The following WDPCP variants were observed in gnomAD, a reference collection of about 807,000 sequenced individuals.
The protein encoded by WDPCP is WD repeat containing planar cell polarity effector.
WDPCP carries 71 observed loss-of-function variants against 93.1 expected under a neutral mutation model. The observed-to-expected ratio is 0.76, with a 90% CI of 0.63 to 0.93. WDPCP has a LOEUF of 0.93. Among genes scored for constraint, WDPCP ranks in the 40% least tolerant of loss-of-function variants. WDPCP has a pLI of 0.00. For missense variants in WDPCP, 844 were observed against 887.4 expected (o/e 0.95, Z 0.62); for synonymous variants, 315 against 315.0 (o/e 1.00, Z 0.00).
At chr2:63,164,916 G>A (rs186164397) in intron 15 of WDPCP, among the ~76,000 whole-genome samples, 12 of 151,950 alleles carry the variant, frequency 7.9e-5, no homozygotes, top group African/African-American at 2.9e-4. Context: ...AAATTACAAG[G>A]GTATTAAAAT....
intron 17 of WDPCP, among the ~76,000 whole-genome samples, chr2:63,142,720 A>G (rs1006494726): frequency 1.3e-5 from 2 of 151,718 alleles, no homozygotes; most frequent in Admixed American, 6.6e-5. Context: ...CTGTCAGTGG[A>G]GTAGTGTAGG....
chr2:63,383,541 A>G (rs2104919900), intron 10 of WDPCP, among the ~76,000 whole-genome samples: 1 of 152,148 alleles, frequency 6.6e-6, no homozygotes. Context: ...ATGGCAAAAC[A>G]GTCTTTACTA....
intron 14 of WDPCP, among the ~76,000 whole-genome samples, chr2:63,190,263 T>TA (rs1209680825): frequency 2.0e-5 from 3 of 151,008 alleles, no homozygotes; most frequent in South Asian, 2.1e-4. Context: ...CCCCATCTCT[T>TA]AAAAAAAAGA....
At chr2:63,803,086 CA>C (rs1294407239) in intron 2 of WDPCP, among the ~76,000 whole-genome samples, 1 of 152,130 alleles carries the variant, frequency 6.6e-6, no homozygotes, top group Non-Finnish European at 1.5e-5. Context: ...TATAGGTGAT[CA>C]GAGGAACACA....
At chr2:63,572,706 A>C in intron 1 of WDPCP, among the ~76,000 whole-genome samples, 1 of 143,016 alleles carries the variant, frequency 7.0e-6, no homozygotes, top group Non-Finnish European at 1.5e-5. Flanking sequence ...TGTCTCAAAA[A>C]AAAAAAAAAA....
intron 12 of WDPCP, among the ~76,000 whole-genome samples, chr2:63,375,677 C>T (rs1453899624): frequency 6.6e-6 from 1 of 151,798 alleles, no homozygotes; most frequent in Non-Finnish European, 1.5e-5. Flanking sequence ...AATTCCTCTC[C>T]TCTCAAGACA....
intron 1 of WDPCP, among the ~76,000 whole-genome samples, chr2:63,500,830 A>G (rs1386444326): frequency 6.6e-6 from 1 of 152,222 alleles, no homozygotes; most frequent in African/African-American, 2.4e-5. Flanking sequence ...GTATTACATA[A>G]CTAATTGTCT....
At chr2:63,563,679 A>T (rs1341836502) in intron 1 of WDPCP, among the ~76,000 whole-genome samples, 3 of 152,124 alleles carry the variant, frequency 2.0e-5, no homozygotes, top group Admixed American at 2.0e-4. Context: ...GAGGCAATTC[A>T]GGTTAAATTG....
intron 2 of WDPCP, among the ~76,000 whole-genome samples, chr2:63,667,934 T>G (rs942771632): frequency 5.9e-5 from 9 of 152,228 alleles, no homozygotes; most frequent in Admixed American, 2.0e-4. Flanking sequence ...GATGCCTTCC[T>G]ACTCCCCACT....
intron 1 of WDPCP, among the ~76,000 whole-genome samples, chr2:63,827,183 A>G (rs1227083331): frequency 6.6e-6 from 1 of 151,564 alleles, no homozygotes; most frequent in African/African-American, 2.4e-5. Flanking sequence ...TTTATTTTCT[A>G]TTATACAATC....
At chr2:63,328,948 G>A (rs544730263) in intron 12 of WDPCP, among the ~76,000 whole-genome samples, 19 of 152,154 alleles carry the variant, frequency 1.2e-4, no homozygotes, top group East Asian at 5.8e-4. Flanking sequence ...GGCTGGTCTC[G>A]AACTCCTGGG....
chr2:63,703,434 T>A (rs1173306912), intron 2 of WDPCP, among the ~76,000 whole-genome samples: 1 of 152,220 alleles, frequency 6.6e-6, no homozygotes, highest in Non-Finnish European at 1.5e-5. Flanking sequence ...TGAGATGGTA[T>A]CTCATTGTGG....
chr2:63,369,233 G>A (rs1044007662), intron 12 of WDPCP: 1 of 326,000 alleles, frequency 3.1e-6, no homozygotes, highest in Non-Finnish European at 6.1e-6. Context: ...ATAATCAAAT[G>A]TCCTTAAAGG....
At chr2:63,135,446 C>T (rs959790527) in intron 17 of WDPCP, among the ~76,000 whole-genome samples, 1 of 152,148 alleles carries the variant, frequency 6.6e-6, no homozygotes, top group African/African-American at 2.4e-5. Flanking sequence ...ATTCTCCTGC[C>T]TCAGCCTTCC....
At chr2:63,560,690 G>C (rs1261659450) in intron 1 of WDPCP, among the ~76,000 whole-genome samples, 2 of 149,816 alleles carry the variant, frequency 1.3e-5, no homozygotes, top group Non-Finnish European at 1.5e-5. Flanking sequence ...CAGGGACATA[G>C]ATGAAGCTGG....
chr2:63,326,696 GAA>G (rs1199463342), intron 12 of WDPCP, among the ~76,000 whole-genome samples: 21 of 151,192 alleles, frequency 1.4e-4, no homozygotes, highest in South Asian at 4.2e-4. Context: ...AAGTCAAAGA[GAA>G]GGAGACAGAC....
intron 1 of WDPCP, among the ~76,000 whole-genome samples, chr2:63,494,842 C>T (rs1368217483): frequency 6.7e-6 from 1 of 149,250 alleles, no homozygotes; most frequent in African/African-American, 2.5e-5. Flanking sequence ...ATGGCGTGAA[C>T]GCGGGAGGCG....
In WDPCP at chr2:63,575,489, A is replaced by ATATACAGTGTATGCACT. The variant is rs1257278044; in HGVS notation, c.75+12707_75+12708insAGTGCATACACTGTATA. Among the ~76,000 whole-genome samples the ATATACAGTGTATGCACT allele has an allele frequency of 4.6e-4, 8 of 17,290 alleles. 1 individual carries two copies. The highest frequency in any genetic ancestry group is 7.6e-4 in the Non-Finnish European group (6 of 7,860). The allele number at this position is 17,290 out of a possible 152,430, so 11.3% of individuals were successfully genotyped here. ...TATGCAGTATATACAGTGTATATAT[A>ATATACAGTGTATGCACT]GTATATACAGTATATACACTGTATA... is the stretch of plus-strand genomic sequence containing the variant. On this transcript the variant is annotated intron_variant, in intron 1 of 17. Transcript: ENST00000272321.
intron 1 of WDPCP, among the ~76,000 whole-genome samples, chr2:63,513,649 T>G (rs557955044): frequency 9.8e-5 from 15 of 152,326 alleles, no homozygotes; most frequent in Middle Eastern, 6.8e-3. Flanking sequence ...CTTTCTCTCT[T>G]GAAGACCCTC....
Sources: allele counts gnomAD v4.1 joint callset (sites outside exome capture counted in the v4.1 genomes callset), GRCh38; gene constraint gnomAD v4.1.1; transcripts MANE v1.5; gene names NCBI Gene and HGNC (gene_info 2026-07-23, HGNC 2026-07-21).